MYO5B: variants seen among roughly 807,000 people sequenced by gnomAD.
The protein encoded by MYO5B is unconventional myosin-Vb.
Under a neutral mutation model 229.3 loss-of-function variants are expected in MYO5B, and 143 were observed. That is an observed-to-expected ratio of 0.62 (90% CI 0.54 to 0.72). The LOEUF is 0.72. MYO5B is among the 30% of genes least tolerant of loss of function. MYO5B has a pLI of 0.00. For missense variants in MYO5B, 2,321 were observed against 2,331.0 expected (o/e 1.00, Z 0.09); for synonymous variants, 918 against 885.2 (o/e 1.04, Z -0.66).
chr18:49,931,691 TGACC>T (rs2025194372), intron 16 of MYO5B, among the ~76,000 whole-genome samples: 1 of 152,138 alleles, frequency 6.6e-6, no homozygotes, highest in East Asian at 1.9e-4. Flanking sequence ...GGGGCGGCAA[TGACC>T]AGTCATAAGC....
chr18:49,918,469 A>ATG (rs2025040230), intron 17 of MYO5B, among the ~76,000 whole-genome samples: 1 of 152,250 alleles, frequency 6.6e-6, no homozygotes, highest in African/African-American at 2.4e-5. Context: ...AGAATCCCTC[A>ATG]GAGCTCTTCC....
intron 4 of MYO5B, among the ~76,000 whole-genome samples, chr18:50,002,832 C>T (rs1163688421): frequency 1.3e-5 from 2 of 152,150 alleles, no homozygotes; most frequent in African/African-American, 4.8e-5. Context: ...AACTTGGGTC[C>T]CCTGTCACCA....
In MYO5B at chr18:50,123,209, C is replaced by T. The variant is rs575102703; in HGVS notation, c.28-67831G>A. 2.1e-4 allele frequency among the ~76,000 whole-genome samples: 32 copies of T among 152,270 alleles called. No individual in the cohort carries two copies. The East Asian group carries it at 5.4e-3, about 26-fold the overall frequency. On this transcript the variant is annotated intron_variant, in intron 1 of 39. Transcript: ENST00000285039. Reference sequence around the variant, plus strand: ...CAAAAAGTCACATATTATATGATTCCATTTAATATGAAATATCCAGAATAC... The same window carrying T: ...CAAAAAGTCACATATTATATGATTCTATTTAATATGAAATATCCAGAATAC...
At chr18:49,836,966 GGCC>G in intron 37 of MYO5B, 81 bp from the exon 38 acceptor site, 2 of 1,382,618 alleles carry the variant, frequency 1.4e-6, no homozygotes, top group Non-Finnish European at 2.0e-6. Context: ...GTGTTTTGCA[GGCC>G]CGCTGCAGCT....
At chr18:50,087,626 C>T (rs2031359565) in intron 1 of MYO5B, among the ~76,000 whole-genome samples, 1 of 150,598 alleles carries the variant, frequency 6.6e-6, no homozygotes, top group Non-Finnish European at 1.5e-5. Context: ...TTAAGAATCA[C>T]ACTATGTTTA....
chr18:50,033,743 C>G (rs16951418), intron 4 of MYO5B, among the ~76,000 whole-genome samples: 1 of 152,226 alleles, frequency 6.6e-6, no homozygotes, highest in South Asian at 2.1e-4. Flanking sequence ...ATTAAAATGA[C>G]GTTTCATAGG....
At chr18:49,859,994 C>T (rs1391313674) in intron 29 of MYO5B, among the ~76,000 whole-genome samples, 4 of 152,210 alleles carry the variant, frequency 2.6e-5, no homozygotes, top group South Asian at 2.1e-4. Context: ...CGGGGGGCGG[C>T]GGGTGTGAAT....
intron 1 of MYO5B, among the ~76,000 whole-genome samples, chr18:50,153,459 T>C (rs2032630976): frequency 6.6e-6 from 1 of 152,066 alleles, no homozygotes; most frequent in African/African-American, 2.4e-5. Context: ...AATATTTCAT[T>C]TTCTTTTTTT....
At chr18:50,055,225 G>GCCCCCCCCCCCCCCCCCCCCCCCCCCCC in intron 2 of MYO5B, 43 bp downstream of exon 2, 1 of 700,370 alleles carries the variant, frequency 1.4e-6, no homozygotes, top group Non-Finnish European at 2.7e-6. Flanking sequence ...TGAGCTCCCT[G>GCCCCCCCCCCCCCCCCCCCCCCCCCCCC]CCCCACCTCA....
At chr18:49,946,489 C>T (rs570069548) in intron 14 of MYO5B, 30 of 152,250 alleles carry the variant, frequency 2.0e-4, no homozygotes, top group African/African-American at 7.2e-4. Context: ...ACACTAGGAA[C>T]TTGGAAATCA....
At chr18:49,890,084 A>G (rs2144122919) in intron 22 of MYO5B, among the ~76,000 whole-genome samples, 1 of 152,288 alleles carries the variant, frequency 6.6e-6, no homozygotes, top group African/African-American at 2.4e-5. Context: ...GAAAGGACCA[A>G]TCCCACACTC....
chr18:49,989,821 A>T (rs2025909717), intron 7 of MYO5B, among the ~76,000 whole-genome samples: 1 of 152,308 alleles, frequency 6.6e-6, no homozygotes, highest in Middle Eastern at 3.4e-3. Context: ...GCTTTTGTGG[A>T]GAGGCAGTTT....
chr18:50,052,355 C>A (rs2030416963), intron 2 of MYO5B, among the ~76,000 whole-genome samples: 1 of 146,950 alleles, frequency 6.8e-6, no homozygotes, highest in African/African-American at 2.5e-5. Context: ...CACATATACA[C>A]CATGAAATAC....
chr18:50,094,158 C>A (rs530000052), intron 1 of MYO5B, among the ~76,000 whole-genome samples: 1 of 152,312 alleles, frequency 6.6e-6, no homozygotes, highest in South Asian at 2.1e-4. Context: ...CCATGGGAAT[C>A]CTGTAGCCAC....
At position 49,823,999 on chromosome 18, in the gene MYO5B, T is replaced by C. The variant is rs1019215553; in HGVS notation, c.*2472A>G. The C allele has an allele frequency of 6.6e-6, 1 of 152,648 alleles. No individual in the cohort carries two copies. Among genetic ancestry groups the C allele is most frequent in the African/African-American group, 2.4e-5 (1 of 41,460 alleles). The allele number at this position is 152,648 out of a possible 1,614,324, so 9.5% of individuals were successfully genotyped here. On this transcript the variant is annotated 3_prime_UTR_variant, in exon 40 of 40. Coordinates refer to ENST00000285039, the MANE Select transcript of MYO5B (RefSeq NM_001080467.3). ...GAGAAACAACTGATGTCAGTTATCT[T>C]AGTAACCGCTAAAGGCACCTGGTGA...
intron 1 of MYO5B, among the ~76,000 whole-genome samples, chr18:50,152,029 G>GAGATGACGGAAAT (rs1269878993): frequency 6.6e-6 from 1 of 152,208 alleles, no homozygotes; most frequent in Non-Finnish European, 1.5e-5. Flanking sequence ...CACAGTGAGA[G>GAGATGACGGAAAT]AGATGACGGA....
At chr18:50,117,783 C>A (rs1183769679) in intron 1 of MYO5B, among the ~76,000 whole-genome samples, 1 of 152,148 alleles carries the variant, frequency 6.6e-6, no homozygotes, top group Non-Finnish European at 1.5e-5. Context: ...AACATCCCTC[C>A]TCTCTCAGAC....
intron 22 of MYO5B, among the ~76,000 whole-genome samples, chr18:49,893,644 G>A (rs920959991): frequency 3.3e-5 from 5 of 152,170 alleles, no homozygotes; most frequent in African/African-American, 7.2e-5. Context: ...GGAAGCCTGC[G>A]TCTTACTTTC....
At chr18:50,036,294 A>G (rs535615696) in intron 4 of MYO5B, among the ~76,000 whole-genome samples, 1 of 152,256 alleles carries the variant, frequency 6.6e-6, no homozygotes, top group Non-Finnish European at 1.5e-5. Context: ...AGTGAAAAGA[A>G]TAACAGCAAT....
Sources: gnomAD v4.1 joint callset for allele counts (sites outside exome capture counted in the v4.1 genomes callset) on GRCh38, gnomAD v4.1.1 for gene constraint, MANE v1.5 for transcripts, NCBI Gene and HGNC (gene_info 2026-07-23, HGNC 2026-07-21) for gene names.